Variants in KIAA2012 observed in about 807,000 individuals in gnomAD.
The protein encoded by KIAA2012 is uncharacterized protein KIAA2012.
In KIAA2012, 125 loss-of-function variants were observed where a neutral mutation model predicts 150.6. The ratio of observed to expected loss-of-function variants is 0.83; its 90% confidence interval spans 0.72 to 0.96. The LOEUF is 0.96. Ranked by LOEUF, KIAA2012 falls within the 40% of genes least tolerant of loss-of-function variation. The pLI is 0.00. For missense variants in KIAA2012, 1,219 were observed against 1,354.9 expected (o/e 0.90, Z 1.57); for synonymous variants, 462 against 504.7 (o/e 0.92, Z 1.13).
At chr2:202,168,030 C>CT (rs1451307435) in intron 15 of KIAA2012, among the ~76,000 whole-genome samples, 2 of 152,058 alleles carry the variant, frequency 1.3e-5, no homozygotes, top group African/African-American at 4.8e-5. Context: ...CTCTGGGCAT[C>CT]TTTTTTCTTC....
At chr2:202,170,848 AT>A (rs1229561150) in intron 15 of KIAA2012, among the ~76,000 whole-genome samples, 5 of 152,174 alleles carry the variant, frequency 3.3e-5, no homozygotes, top group African/African-American at 1.2e-4. Flanking sequence ...CAGGCTATGC[AT>A]TTTCTGTAAA....
chr2:202,186,826 G>T, intron 16 of KIAA2012, 107 bp from the exon 17 acceptor site: 1 of 1,060,840 alleles, frequency 9.4e-7, no homozygotes, highest in South Asian at 1.8e-5. Context: ...TCAAATGTCA[G>T]GCACAGTGCC....
intron 12 of KIAA2012, chr2:202,125,935 C>CTTTTTTTTTTTTTTGTTT: frequency 7.4e-6 from 1 of 135,824 alleles, no homozygotes; most frequent in Non-Finnish European, 1.3e-5. Context: ...TTCCTGGCTG[C>CTTTTTTTTTTTTTTGTTT]TTTTTTTTTT....
intron 15 of KIAA2012, among the ~76,000 whole-genome samples, chr2:202,183,332 A>C (rs1299809161): frequency 1.3e-5 from 2 of 149,350 alleles, no homozygotes; most frequent in East Asian, 4.0e-4. Context: ...GGTGGGGAGG[A>C]TTGGTTGAGC....
At chr2:202,100,148 C>T (rs996897927) in intron 6 of KIAA2012, among the ~76,000 whole-genome samples, 159 bp from the exon 7 acceptor site, 3 of 152,216 alleles carry the variant, frequency 2.0e-5, no homozygotes, top group Non-Finnish European at 4.4e-5. Context: ...GAGACTGGGG[C>T]TCTCTGAACC....
At chr2:202,190,085 C>A in intron 18 of KIAA2012, 89 bp from the exon 19 acceptor site, 1 of 1,117,846 alleles carries the variant, frequency 8.9e-7, no homozygotes, top group Non-Finnish European at 1.2e-6. Flanking sequence ...AAGACCCTGT[C>A]TCAAAAAAAA....
intron 11 of KIAA2012, chr2:202,117,075 G>A (rs1405112652): frequency 1.3e-5 from 2 of 152,244 alleles, no homozygotes; most frequent in East Asian, 1.9e-4. Flanking sequence ...ATCCCTGGCT[G>A]ACACTCTGTC....
chr2:202,190,972 T>C (rs1201022656), intron 19 of KIAA2012, among the ~76,000 whole-genome samples: 1 of 152,130 alleles, frequency 6.6e-6, no homozygotes, highest in Non-Finnish European at 1.5e-5. Flanking sequence ...TGTACACATA[T>C]ACCTGCTTTT....
intron 22 of KIAA2012, chr2:202,201,308 T>C: frequency 6.3e-7 from 1 of 1,585,224 alleles, no homozygotes; most frequent in Non-Finnish European, 8.7e-7. Flanking sequence ...TTAATATGAC[T>C]ACAGCAGTTA....
intron 15 of KIAA2012, chr2:202,179,698 G>A (rs756479999): frequency 1.8e-5 from 12 of 662,950 alleles, no homozygotes; most frequent in East Asian, 1.5e-4. Context: ...TTCTTTACTT[G>A]TTTGTGGTTG....
rs182245769 is a variant in KIAA2012, at chr2:202,131,259, C to G, written c.1831+5977C>G. Among the ~76,000 whole-genome samples, 856 of 152,318 alleles carry G rather than the reference C, an allele frequency of 5.6e-3. 6 individuals are homozygous for G. Among genetic ancestry groups the G allele is most frequent in the African/African-American group, 0.02 (822 of 41,568 alleles). The stretch of plus-strand genomic sequence containing the variant: ...GGTTCAAGCCATTCTCCTGCCTCAG[C>G]CTCCCAAGTAGCTGGGATTACAGGC... On this transcript the variant is annotated intron_variant, in intron 12 of 23. Transcript: ENST00000498697.
At position 202,205,008 on chromosome 2, in the gene KIAA2012, T is replaced by C. The variant is rs1042647370; in HGVS notation, c.*31T>C. 6.6e-6 allele frequency: 1 copy of C among 152,220 alleles called. No homozygotes were observed. The highest frequency in any genetic ancestry group is 1.5e-5 in the Non-Finnish European group (1 of 68,044). 9.4% of individuals were successfully genotyped at this position (152,220 alleles called of 1,614,324 possible). A position where few individuals can be genotyped will look rare whatever the true frequency, so the allele number is the denominator to read the frequency against. On this transcript the variant is annotated 3_prime_UTR_variant, in exon 24 of 24. Coordinates refer to ENST00000498697, the MANE Select transcript of KIAA2012 (RefSeq NM_001277372.4). ...TCCCTTTTGTTACAGATTTAGGATG[T>C]TGCAGTCAAGCACCAGATAAGAGTG... is the stretch of plus-strand genomic sequence containing the variant.
intron 14 of KIAA2012, among the ~76,000 whole-genome samples, chr2:202,164,232 C>T (rs1211278413): frequency 6.6e-6 from 1 of 152,110 alleles, no homozygotes; most frequent in Non-Finnish European, 1.5e-5. Flanking sequence ...GGGTCACCAA[C>T]TCTACCTGCC....
At chr2:202,170,677 G>T (rs543519076) in intron 15 of KIAA2012, among the ~76,000 whole-genome samples, 58 of 152,278 alleles carry the variant, frequency 3.8e-4, no homozygotes, top group African/African-American at 1.3e-3. Flanking sequence ...TCCAGACCGG[G>T]GCAGAAATCT....
chr2:202,092,123 T>G (rs1689739385), intron 3 of KIAA2012, among the ~76,000 whole-genome samples: 2 of 152,122 alleles, frequency 1.3e-5, no homozygotes, highest in African/African-American at 4.8e-5. Context: ...TCAAAAAAGG[T>G]CGAGTCCTCC....
intron 2 of KIAA2012, among the ~76,000 whole-genome samples, chr2:202,080,429 C>T (rs1406666534): frequency 6.6e-6 from 1 of 152,110 alleles, no homozygotes; most frequent in East Asian, 1.9e-4. Context: ...CACGATGGCA[C>T]ACGCCTGTAA....
At chr2:202,084,032 C>T (rs1291489905) in intron 2 of KIAA2012, among the ~76,000 whole-genome samples, 6 of 151,948 alleles carry the variant, frequency 3.9e-5, no homozygotes, top group Admixed American at 1.3e-4. Flanking sequence ...GGAGAAGGTG[C>T]AGGGGAGGGG....
At chr2:202,152,203 T>G (rs1385521324) in intron 13 of KIAA2012, among the ~76,000 whole-genome samples, 1 of 152,198 alleles carries the variant, frequency 6.6e-6, no homozygotes, top group Non-Finnish European at 1.5e-5. Context: ...TTAGAACACT[T>G]GAACGTAATG....
intron 13 of KIAA2012, among the ~76,000 whole-genome samples, chr2:202,152,119 A>C (rs2105951085): frequency 6.6e-6 from 1 of 152,026 alleles, no homozygotes; most frequent in South Asian, 2.1e-4. Flanking sequence ...TTCTCCCATC[A>C]CTACCTCTTC....
Sources: gnomAD v4.1 joint callset for allele counts (sites outside exome capture counted in the v4.1 genomes callset) on GRCh38, gnomAD v4.1.1 for gene constraint, MANE v1.5 for transcripts, NCBI Gene and HGNC (gene_info 2026-07-23, HGNC 2026-07-21) for gene names.